Variants in ALG6 observed in about 807,000 individuals in gnomAD.
ALG6 encodes ALG6 alpha-1,3-glucosyltransferase, also known as dolichyl pyrophosphate Man9GlcNAc2 alpha-1,3-glucosyltransferase.
Under a neutral mutation model 66.6 loss-of-function variants are expected in ALG6, and 46 were observed. The ratio of observed to expected loss-of-function variants is 0.69; its 90% CI spans 0.55 to 0.88. ALG6 has a LOEUF of 0.88. Among genes scored for constraint, ALG6 ranks in the 40% least tolerant of loss-of-function variants. ALG6 has a pLI of 0.00. For synonymous variants in ALG6, 185 were observed against 203.7 expected, an observed-to-expected ratio of 0.91 and a Z score of 0.78; for missense variants, 505 against 586.8, an observed-to-expected ratio of 0.86 and a Z score of 1.44.
At chr1:63,375,035 C>T (rs575135420) in intron 2 of ALG6, among the ~76,000 whole-genome samples, 1 of 151,990 alleles carries the variant, frequency 6.6e-6, no homozygotes, top group Non-Finnish European at 1.5e-5. Flanking sequence ...CATGGTGAAA[C>T]CCCCTTTACA....
At chr1:63,402,460 ATTTTTTTTTTT>A (rs760751565) in intron 4 of ALG6, 117 bp downstream of exon 4, 6 of 261,938 alleles carry the variant, frequency 2.3e-5, no homozygotes, top group East Asian at 1.7e-4. Flanking sequence ...CTGCTATTGT[ATTTTTTTTTTT>A]TTTTTTTTTT....
chr1:63,382,471 T>A (rs968680612), intron 2 of ALG6, among the ~76,000 whole-genome samples: 12 of 151,752 alleles, frequency 7.9e-5, no homozygotes, highest in African/African-American at 2.4e-4. Context: ...CAGCTGATTA[T>A]TTATTATTTA....
At chr1:63,416,172 C>T (rs1557592949) in intron 11 of ALG6, among the ~76,000 whole-genome samples, 1 of 152,218 alleles carries the variant, frequency 6.6e-6, no homozygotes, top group Admixed American at 6.5e-5. Flanking sequence ...TAATTTGTTT[C>T]GTATTAGTTA....
chr1:63,401,156 C>T (rs1644463322), intron 3 of ALG6, among the ~76,000 whole-genome samples: 1 of 152,154 alleles, frequency 6.6e-6, no homozygotes, highest in African/African-American at 2.4e-5. Context: ...TACTGTAGTA[C>T]TCTATGCCCA....
At chr1:63,387,052 A>G (rs1648524321) in intron 2 of ALG6, among the ~76,000 whole-genome samples, 1 of 152,180 alleles carries the variant, frequency 6.6e-6, no homozygotes, top group Non-Finnish European at 1.5e-5. Flanking sequence ...CACACTGGGC[A>G]TTCAGGATCA....
At chr1:63,414,187 C>T in intron 10 of ALG6, 41 bp downstream of exon 10, 2 of 1,355,558 alleles carry the variant, frequency 1.5e-6, no homozygotes, top group South Asian at 1.2e-5. Flanking sequence ...TTATAAGTTA[C>T]TCTTTAAAAG....
chr1:63,402,323 T>G lies in ALG6; in HGVS notation c.237T>G (p.His79Gln), dbSNP rs747184607. 35 of 1,610,084 alleles carry G rather than the reference T, an allele frequency of 2.2e-5. No individual in the cohort carries two copies. The highest frequency in any genetic ancestry group is 3.0e-5 in the Non-Finnish European group (35 of 1,176,680). The change falls in exon 4 of 15, where the codon CAT becomes CAG. Residue 79 changes from histidine to glutamine, a missense_variant. Transcript: ENST00000263440. Reference sequence around the variant, plus strand: ...ATTACCCACCTCTTACAGCTTATCATAGTCTCCTATGTGCATATGTGTAAG... The same window carrying G: ...ATTACCCACCTCTTACAGCTTATCAGAGTCTCCTATGTGCATATGTGTAAG... Reference protein sequence around the residue: ...GLDYPPLTAYHSLLCAYVAKF... With the variant: ...GLDYPPLTAYQSLLCAYVAKF...
chr1:63,418,134 C>CAA (rs757286574), intron 11 of ALG6, among the ~76,000 whole-genome samples: 1 of 117,378 alleles, frequency 8.5e-6, no homozygotes, highest in Non-Finnish European at 1.8e-5. Context: ...AACTCCATCT[C>CAA]AAAAAAAAAA....
rs1304712406 is a variant in ALG6 at position 63,422,238 on chromosome 1, T to TATCTATATGA, written c.1058+2800_1058+2801insCTATATGAAT. Among the ~76,000 whole-genome samples, 500 of 73,852 alleles carry TATCTATATGA rather than the reference T, an allele frequency of 6.8e-3. 18 individuals are homozygous for TATCTATATGA. Among genetic ancestry groups the TATCTATATGA allele is most frequent in the African/African-American group, 0.028 (446 of 15,990 alleles). The allele number at this position is 73,852 out of a possible 152,430, so 48.4% of individuals were successfully genotyped here. A position where few individuals can be genotyped will look rare whatever the true frequency, so the allele number is the denominator to read the frequency against. On this transcript the variant is annotated intron_variant, in intron 12 of 14. Transcript: ENST00000263440. ...ATATATTTATATAAATATAAATATA[T>TATCTATATGA]ATATAAATATATATATTTATATAGA...
intron 10 of ALG6, among the ~76,000 whole-genome samples, chr1:63,415,336 TC>T (rs1363669001): frequency 6.6e-6 from 1 of 152,194 alleles, no homozygotes; most frequent in Non-Finnish European, 1.5e-5. Flanking sequence ...TAGTTCTTTT[TC>T]CTCCCACCCA....
chr1:63,414,469 C>G (rs1644532239), intron 10 of ALG6, among the ~76,000 whole-genome samples: 1 of 152,100 alleles, frequency 6.6e-6, no homozygotes, highest in African/African-American at 2.4e-5. Flanking sequence ...AGGCTGGTCT[C>G]GAACTCCTGA....
intron 12 of ALG6, among the ~76,000 whole-genome samples, chr1:63,427,232 C>T: frequency 7.0e-6 from 1 of 142,510 alleles, no homozygotes; most frequent in East Asian, 2.1e-4. Flanking sequence ...CCAGGATGGT[C>T]TTGAACTCCT....
At chr1:63,420,425 C>T (rs766109226) in intron 12 of ALG6, among the ~76,000 whole-genome samples, 1 of 152,180 alleles carries the variant, frequency 6.6e-6, no homozygotes, top group Non-Finnish European at 1.5e-5. Flanking sequence ...AAAGGCAGCT[C>T]ATTCAGGACC....
intron 2 of ALG6, among the ~76,000 whole-genome samples, chr1:63,378,943 C>CT (rs35337336): frequency 0.22 from 33,367 of 150,576 alleles, 4,014 homozygotes; most frequent in Middle Eastern, 0.32. Flanking sequence ...TCTTTGGTTC[C>CT]TTTTTAGATC....
chr1:63,398,315 A>AT (rs934147177), intron 3 of ALG6, among the ~76,000 whole-genome samples: 8 of 152,088 alleles, frequency 5.3e-5, no homozygotes, highest in Non-Finnish European at 1.2e-4. Flanking sequence ...TTATGTGCTC[A>AT]TTTTTTCTAG....
At chr1:63,427,908 G>A (rs1644625666) in intron 12 of ALG6, among the ~76,000 whole-genome samples, 1 of 150,282 alleles carries the variant, frequency 6.7e-6, no homozygotes, top group South Asian at 2.1e-4. Context: ...CCGGGTTCAA[G>A]CAGTTCTCCT....
chr1:63,428,812 T>C lies in ALG6; in HGVS notation c.1127+11T>C, dbSNP rs1436987592. ...TGTGTCAACATTTAGGTAAGTCATATCAATTTCCATATATTTTCAGTATAA... is the reference window on the plus strand; with the variant it reads ...TGTGTCAACATTTAGGTAAGTCATACCAATTTCCATATATTTTCAGTATAA... On this transcript the variant is annotated intron_variant, in intron 13 of 14. Transcript: ENST00000263440. 4 of 1,597,956 alleles carry C rather than the reference T, an allele frequency of 2.5e-6. No homozygotes were observed. Among genetic ancestry groups the C allele is most frequent in the Non-Finnish European group, 3.4e-6 (4 of 1,166,630 alleles).
At chr1:63,384,153 C>T (rs978842753) in intron 2 of ALG6, among the ~76,000 whole-genome samples, 1 of 152,082 alleles carries the variant, frequency 6.6e-6, no homozygotes, top group Non-Finnish European at 1.5e-5. Context: ...TATGGATTTC[C>T]TTTATTGCCT....
At chr1:63,398,428 C>T (rs967424650) in intron 3 of ALG6, among the ~76,000 whole-genome samples, 1 of 152,214 alleles carries the variant, frequency 6.6e-6, no homozygotes, top group African/African-American at 2.4e-5. Flanking sequence ...TTGGCACTTC[C>T]TTGAGTAATT....
Sources: allele counts gnomAD v4.1 joint callset (sites outside exome capture counted in the v4.1 genomes callset), GRCh38; gene constraint gnomAD v4.1.1; transcripts MANE v1.5; gene names NCBI Gene and HGNC (gene_info 2026-07-23, HGNC 2026-07-21).